The following TMEM163 variants were observed in gnomAD, a reference collection of about 807,000 sequenced individuals.
TMEM163 encodes the protein transmembrane protein 163.
A neutral mutation model predicts 29.3 loss-of-function variants in TMEM163; 17 were observed. The ratio of observed to expected loss-of-function variants is 0.58; its 90% confidence interval spans 0.40 to 0.87. The LOEUF is 0.87. Among genes scored for constraint, TMEM163 ranks in the 40% least tolerant of loss-of-function variants. TMEM163 has a pLI of 0.00. For missense variants in TMEM163, 303 were observed against 381.5 expected (o/e 0.79, Z 1.71); for synonymous variants, 157 against 160.6 (o/e 0.98, Z 0.17).
chr2:134,486,702 C>A (rs1028152523), intron 5 of TMEM163, among the ~76,000 whole-genome samples: 1 of 152,152 alleles, frequency 6.6e-6, no homozygotes, highest in Non-Finnish European at 1.5e-5. Context: ...AAAATCAGTA[C>A]ACCAGGGCAC....
At chr2:134,494,255 C>G (rs10496728) in intron 5 of TMEM163, among the ~76,000 whole-genome samples, 20,275 of 152,160 alleles carry the variant, frequency 0.13, 1,699 homozygotes, top group Middle Eastern at 0.3. Context: ...TGAGTAACAA[C>G]AGTAAGATGG....
chr2:134,523,549 CA>C (rs1429728767), intron 4 of TMEM163, among the ~76,000 whole-genome samples: 1 of 152,172 alleles, frequency 6.6e-6, no homozygotes, highest in East Asian at 1.9e-4. Context: ...GTCTCTCCCC[CA>C]ATCTCCCCTC....
At chr2:134,661,190 G>T (rs778408901) in intron 2 of TMEM163, among the ~76,000 whole-genome samples, 1 of 146,712 alleles carries the variant, frequency 6.8e-6, no homozygotes, top group Non-Finnish European at 1.5e-5. Flanking sequence ...TCTCCCATGA[G>T]ATGTGAAAGA....
intron 2 of TMEM163, among the ~76,000 whole-genome samples, chr2:134,642,098 A>G (rs1250873376): frequency 2.0e-5 from 3 of 152,168 alleles, no homozygotes; most frequent in Non-Finnish European, 4.4e-5. Context: ...CTGAAAAAGG[A>G]AAAAGATTGG....
intron 2 of TMEM163, among the ~76,000 whole-genome samples, chr2:134,570,780 G>C (rs1472260999): frequency 6.6e-6 from 1 of 152,080 alleles, no homozygotes; most frequent in Non-Finnish European, 1.5e-5. Flanking sequence ...TACTGTAAGG[G>C]CTAGGACCCT....
intron 4 of TMEM163, among the ~76,000 whole-genome samples, chr2:134,510,887 G>C (rs923208175): frequency 2.6e-5 from 4 of 152,248 alleles, no homozygotes; most frequent in African/African-American, 9.6e-5. Flanking sequence ...AAGGAACAGG[G>C]AACAGCCCGT....
intron 5 of TMEM163, among the ~76,000 whole-genome samples, chr2:134,480,130 T>C (rs1415127837): frequency 6.6e-6 from 1 of 152,184 alleles, no homozygotes; most frequent in Non-Finnish European, 1.5e-5. Flanking sequence ...TTCCAGCTCC[T>C]TGCAGAAAAG....
intron 2 of TMEM163, among the ~76,000 whole-genome samples, chr2:134,575,009 G>A (rs1414646804): frequency 6.7e-6 from 1 of 148,362 alleles, no homozygotes; most frequent in Non-Finnish European, 1.5e-5. Flanking sequence ...TGGTCCATTT[G>A]CCAAGCAAGG....
At chr2:134,578,384 T>C (rs1357385738) in intron 2 of TMEM163, among the ~76,000 whole-genome samples, 1 of 152,190 alleles carries the variant, frequency 6.6e-6, no homozygotes, top group Non-Finnish European at 1.5e-5. Flanking sequence ...TGTATGTCAA[T>C]GCCTCCACTG....
chr2:134,467,532 A>G (rs1474302099), intron 5 of TMEM163: 1 of 152,222 alleles, frequency 6.6e-6, no homozygotes, highest in African/African-American at 2.4e-5. Flanking sequence ...CTGCGAAACA[A>G]CATCAAACAA....
intron 5 of TMEM163, among the ~76,000 whole-genome samples, chr2:134,476,678 G>A (rs934106101): frequency 6.6e-6 from 1 of 152,128 alleles, no homozygotes; most frequent in Non-Finnish European, 1.5e-5. Flanking sequence ...TAAATCAGAG[G>A]CTTAGAGGTC....
At chr2:134,630,818 T>C (rs1031239777) in intron 2 of TMEM163, among the ~76,000 whole-genome samples, 4 of 152,198 alleles carry the variant, frequency 2.6e-5, no homozygotes, top group African/African-American at 9.7e-5. Context: ...TTGAAACTGA[T>C]TTTGTAATAT....
At chr2:134,630,470 C>T (rs1682942425) in intron 2 of TMEM163, among the ~76,000 whole-genome samples, 1 of 152,138 alleles carries the variant, frequency 6.6e-6, no homozygotes, top group Admixed American at 6.5e-5. Context: ...CAATGCAGCG[C>T]TGTGCAGAGA....
At chr2:134,620,886 C>T (rs755617528) in intron 2 of TMEM163, among the ~76,000 whole-genome samples, 5 of 152,058 alleles carry the variant, frequency 3.3e-5, no homozygotes, top group Admixed American at 6.6e-5. Flanking sequence ...TAAAGGAAAA[C>T]ATAGGAGAAA....
chr2:134,514,177 G>C (rs1184716660), intron 4 of TMEM163, among the ~76,000 whole-genome samples: 1 of 152,202 alleles, frequency 6.6e-6, no homozygotes, highest in African/African-American at 2.4e-5. Context: ...GGGGGCTATG[G>C]TTGTGGTTAT....
chr2:134,670,533 A>G (rs532705379), intron 2 of TMEM163, among the ~76,000 whole-genome samples: 1 of 152,330 alleles, frequency 6.6e-6, no homozygotes, highest in Non-Finnish European at 1.5e-5. Context: ...CAGGCTTCTG[A>G]AAAACCACAA....
At chr2:134,489,407 G>GTC (rs1028613000) in intron 5 of TMEM163, among the ~76,000 whole-genome samples, 2 of 151,866 alleles carry the variant, frequency 1.3e-5, no homozygotes, top group African/African-American at 4.8e-5. Context: ...GAAAAACCCC[G>GTC]TCTCTACTAA....
intron 2 of TMEM163, among the ~76,000 whole-genome samples, chr2:134,596,191 C>G (rs972860129): frequency 6.6e-6 from 1 of 152,124 alleles, no homozygotes; most frequent in Non-Finnish European, 1.5e-5. Context: ...CTTGCCCACG[C>G]CTATGTCCTG....
At chr2:134,539,031 GT>G (rs1279162945) in intron 4 of TMEM163, among the ~76,000 whole-genome samples, 1 of 152,092 alleles carries the variant, frequency 6.6e-6, no homozygotes, top group Non-Finnish European at 1.5e-5. Flanking sequence ...ACCTATCTCT[GT>G]TTTGCCTGGA....
Sources: gnomAD v4.1 joint callset for allele counts (sites outside exome capture counted in the v4.1 genomes callset) on GRCh38, gnomAD v4.1.1 for gene constraint, MANE v1.5 for transcripts, NCBI Gene and HGNC (gene_info 2026-07-23, HGNC 2026-07-21) for gene names.